ADAMTSL1: variants seen among roughly 807,000 people sequenced by gnomAD.
ADAMTSL1 encodes the protein ADAMTS like 1.
A neutral mutation model predicts 201.8 loss-of-function variants in ADAMTSL1; 126 were observed. That is an observed-to-expected ratio of 0.62 (90% confidence interval 0.54 to 0.72). The LOEUF is 0.72. Ranked by LOEUF, ADAMTSL1 falls within the 30% of genes least tolerant of loss-of-function variation. ADAMTSL1 has a pLI of 0.00. For missense variants in ADAMTSL1, 2,679 were observed against 2,277.8 expected (o/e 1.18, Z -3.59); for synonymous variants, 1,121 against 903.4 (o/e 1.24, Z -4.32).
chr9:18,524,370 A>G (rs1018985420), intron 2 of ADAMTSL1, among the ~76,000 whole-genome samples: 1 of 152,202 alleles, frequency 6.6e-6, no homozygotes, highest in African/African-American at 2.4e-5. Context: ...TAAATATACA[A>G]TCATGTCATC....
intron 2 of ADAMTSL1, among the ~76,000 whole-genome samples, chr9:18,180,820 A>T (rs1828434916): frequency 2.0e-5 from 3 of 152,210 alleles, no homozygotes; most frequent in Admixed American, 2.0e-4. Context: ...AAGAGCCCGC[A>T]TCGCCAAGTC....
intron 2 of ADAMTSL1, among the ~76,000 whole-genome samples, chr9:18,239,882 C>T (rs1830996094): frequency 6.6e-6 from 1 of 152,142 alleles, no homozygotes; most frequent in South Asian, 2.1e-4. Flanking sequence ...ATTGTGAGAG[C>T]AGCAATTTAG....
intron 1 of ADAMTSL1, among the ~76,000 whole-genome samples, chr9:18,128,003 T>C (rs2067720): frequency 6.6e-6 from 1 of 152,208 alleles, no homozygotes; most frequent in African/African-American, 2.4e-5. Flanking sequence ...TTTTAGATGC[T>C]TTTCATTAAG....
chr9:18,745,287 G>T (rs536769815), intron 15 of ADAMTSL1, among the ~76,000 whole-genome samples: 2 of 152,170 alleles, frequency 1.3e-5, no homozygotes, highest in South Asian at 4.2e-4. Context: ...TCTACTCTAA[G>T]GTAGTTTTCT....
intron 2 of ADAMTSL1, among the ~76,000 whole-genome samples, chr9:18,388,480 C>T (rs1170460146): frequency 6.6e-6 from 1 of 152,016 alleles, no homozygotes; most frequent in Non-Finnish European, 1.5e-5. Context: ...CACCATGTTG[C>T]CCAGGCTGGT....
intron 15 of ADAMTSL1, among the ~76,000 whole-genome samples, chr9:18,742,810 A>T (rs1818916387): frequency 6.6e-6 from 1 of 152,208 alleles, no homozygotes; most frequent in African/African-American, 2.4e-5. Flanking sequence ...ATCAGTTAAT[A>T]TAAAATAGAG....
At chr9:18,784,617 T>G (rs1821592968) in intron 19 of ADAMTSL1, among the ~76,000 whole-genome samples, 1 of 152,196 alleles carries the variant, frequency 6.6e-6, no homozygotes, top group Admixed American at 6.5e-5. Flanking sequence ...CTGTGCAATT[T>G]GAAAAGCACT....
chr9:18,650,615 G>C (rs71506891), intron 7 of ADAMTSL1, among the ~76,000 whole-genome samples: 18,711 of 152,208 alleles, frequency 0.12, 1,368 homozygotes, highest in Non-Finnish European at 0.17. Context: ...AGTGCAAAAG[G>C]AAGATTTTGT....
At chr9:18,748,488 C>A (rs1819270546) in intron 15 of ADAMTSL1, among the ~76,000 whole-genome samples, 2 of 152,146 alleles carry the variant, frequency 1.3e-5, no homozygotes, top group Admixed American at 6.5e-5. Context: ...AATATTTACA[C>A]AAAGTGGGAT....
intron 1 of ADAMTSL1, among the ~76,000 whole-genome samples, chr9:17,919,189 A>T (rs548372717): frequency 6.6e-6 from 1 of 151,978 alleles, no homozygotes; most frequent in Admixed American, 6.5e-5. Context: ...AATGATAAGT[A>T]TTAATATGTT....
At chr9:18,678,431 C>T (rs1830249331) in intron 10 of ADAMTSL1, among the ~76,000 whole-genome samples, 1 of 152,086 alleles carries the variant, frequency 6.6e-6, no homozygotes, top group Non-Finnish European at 1.5e-5. Context: ...TACAAGTATT[C>T]ACATGATAAT....
chr9:18,139,079 C>G (rs1010784803), intron 1 of ADAMTSL1, among the ~76,000 whole-genome samples: 3 of 152,130 alleles, frequency 2.0e-5, no homozygotes, highest in Non-Finnish European at 4.4e-5. Context: ...GAATGAGATG[C>G]TCTCTTAAGA....
chr9:18,124,147 G>A (rs771397462), intron 1 of ADAMTSL1, among the ~76,000 whole-genome samples: 117 of 126,630 alleles, frequency 9.2e-4, no homozygotes, highest in Non-Finnish European at 1.2e-3. Flanking sequence ...CAGTGGCTCC[G>A]TCTCAGCTCA....
At chr9:18,527,229 C>G (rs1236785043) in intron 2 of ADAMTSL1, among the ~76,000 whole-genome samples, 1 of 152,330 alleles carries the variant, frequency 6.6e-6, no homozygotes, top group Middle Eastern at 3.4e-3. Flanking sequence ...CAGGGAAATA[C>G]AGTAACCCAT....
At chr9:18,728,081 AAAATAAATAAATAAATAAATAAAT>A (rs61237330) in intron 15 of ADAMTSL1, among the ~76,000 whole-genome samples, 100 of 144,074 alleles carry the variant, frequency 6.9e-4, no homozygotes, top group African/African-American at 2.2e-3. Flanking sequence ...CTCTGTCTCA[AAAATAAATAAATAAATAAATAAAT>A]AAATAAATAA....
chr9:18,195,098 G>C (rs151329221), intron 2 of ADAMTSL1, among the ~76,000 whole-genome samples: 62 of 152,188 alleles, frequency 4.1e-4, no homozygotes, highest in Admixed American at 7.2e-4. Context: ...CTGTCATACA[G>C]TAAGCACTCA....
At chr9:18,646,872 C>T (rs78893888) in intron 7 of ADAMTSL1, among the ~76,000 whole-genome samples, 25,696 of 151,716 alleles carry the variant, frequency 0.17, 2,348 homozygotes, top group Middle Eastern at 0.22. Flanking sequence ...TGTCTCTGCC[C>T]GGCTTTGGTA....
At chr9:17,998,370 G>T (rs1819470321) in intron 1 of ADAMTSL1, among the ~76,000 whole-genome samples, 1 of 151,958 alleles carries the variant, frequency 6.6e-6, no homozygotes. Flanking sequence ...GGGGCTGGGA[G>T]GCAGAGCTAG....
chr9:18,586,985 T>A (rs1823537309), intron 4 of ADAMTSL1, among the ~76,000 whole-genome samples: 1 of 151,050 alleles, frequency 6.6e-6, no homozygotes, highest in South Asian at 2.1e-4. Flanking sequence ...TAAATACTAT[T>A]AAAAAAAAAC....
Sources: gnomAD v4.1 joint callset for allele counts (sites outside exome capture counted in the v4.1 genomes callset) on GRCh38, gnomAD v4.1.1 for gene constraint, MANE v1.5 for transcripts, NCBI Gene and HGNC (gene_info 2026-07-23, HGNC 2026-07-21) for gene names.